OTOGL: variants seen among roughly 807,000 people sequenced by gnomAD.
OTOGL encodes otogelin-like protein.
A neutral mutation model predicts 318.5 loss-of-function variants in OTOGL; 285 were observed. The observed-to-expected ratio is 0.89, with a 90% CI of 0.81 to 0.99. The LOEUF is 0.99. Ranked by LOEUF, OTOGL falls within the 50% of genes least tolerant of loss-of-function variation. OTOGL has a pLI of 0.00. For synonymous variants in OTOGL, 987 were observed against 936.5 expected (o/e 1.05, Z -0.99); for missense variants, 2,899 against 2,845.6 (o/e 1.02, Z -0.43).
intron 1 of OTOGL, among the ~76,000 whole-genome samples, chr12:80,163,353 C>G (rs1489701587): frequency 6.6e-6 from 1 of 152,014 alleles, no homozygotes; most frequent in Admixed American, 6.6e-5. Context: ...ACAGAATCCT[C>G]TCTGTAAATA....
intron 24 of OTOGL, among the ~76,000 whole-genome samples, chr12:80,277,930 C>T (rs1299955169): frequency 1.3e-5 from 2 of 151,244 alleles, no homozygotes; most frequent in Non-Finnish European, 3.0e-5. Flanking sequence ...TAGTGAATAG[C>T]AAAAAGGTCA....
At chr12:80,290,896 A>G (rs1885000534) in intron 26 of OTOGL, among the ~76,000 whole-genome samples, 1 of 152,174 alleles carries the variant, frequency 6.6e-6, no homozygotes, top group African/African-American at 2.4e-5. Context: ...GAAAATTCTA[A>G]GGTTTTGATG....
At position 80,220,612 on chromosome 12, in the gene OTOGL, C is replaced by CTT. The variant is rs34021968; in HGVS notation, c.334+715_334+716dup. 2.1e-3 allele frequency among the ~76,000 whole-genome samples: 253 copies of CTT among 119,006 alleles called. 11 individuals carry two copies. The highest frequency in any genetic ancestry group is 8.2e-3 in the African/African-American group (241 of 29,304). 78.1% of individuals were successfully genotyped at this position (119,006 alleles called of 152,430 possible). A position where few individuals can be genotyped will look rare whatever the true frequency, so the allele number is the denominator to read the frequency against. On this transcript the variant is annotated intron_variant, in intron 6 of 58. Coordinates refer to ENST00000547103, the MANE Select transcript of OTOGL (RefSeq NM_001378609.3). Reference sequence around the variant, plus strand: ...ACTGAGACTTCTTCGAGGGCAAGGGCTTTTTTTTTTTTTTTTAAATCTTTT... The same window carrying CTT: ...ACTGAGACTTCTTCGAGGGCAAGGGCTTTTTTTTTTTTTTTTTTAAATCTTTT...
At chr12:80,243,180 G>A (rs903046393) in intron 11 of OTOGL, among the ~76,000 whole-genome samples, 2 of 152,082 alleles carry the variant, frequency 1.3e-5, no homozygotes, top group African/African-American at 4.8e-5. Context: ...AGCAGTGTGA[G>A]AGAATGACAC....
At chr12:80,175,560 G>A (rs1258872922) in intron 1 of OTOGL, among the ~76,000 whole-genome samples, 1 of 152,060 alleles carries the variant, frequency 6.6e-6, no homozygotes, top group Non-Finnish European at 1.5e-5. Flanking sequence ...TTTATACAGG[G>A]GAATGTGTGT....
chr12:80,185,759 C>T (rs1421851781), intron 1 of OTOGL, among the ~76,000 whole-genome samples: 3 of 152,154 alleles, frequency 2.0e-5, no homozygotes, highest in Non-Finnish European at 4.4e-5. Flanking sequence ...TAGTGATCTG[C>T]ATTTTACACA....
chr12:80,323,012 A>T (rs1313134524), intron 34 of OTOGL, among the ~76,000 whole-genome samples: 1 of 152,076 alleles, frequency 6.6e-6, no homozygotes, highest in Non-Finnish European at 1.5e-5. Context: ...GATAAAATAG[A>T]ATAATGGATG....
intron 17 of OTOGL, 41 bp from the exon 18 acceptor site, chr12:80,257,784 A>G (rs1157011970): frequency 6.9e-7 from 1 of 1,452,530 alleles, no homozygotes. Flanking sequence ...AACACCGTCT[A>G]TGAATGTCAA....
At chr12:80,203,904 C>T (rs1276167105) in intron 1 of OTOGL, among the ~76,000 whole-genome samples, 6 of 152,148 alleles carry the variant, frequency 3.9e-5, no homozygotes, top group African/African-American at 1.2e-4. Flanking sequence ...CTAATAGGTT[C>T]GCTAGGTAAT....
chr12:80,167,934 T>C (rs1214868016), intron 1 of OTOGL, among the ~76,000 whole-genome samples: 1 of 151,972 alleles, frequency 6.6e-6, no homozygotes, highest in Non-Finnish European at 1.5e-5. Flanking sequence ...CTTTTCTTTT[T>C]TCTTTTCTCC....
At chr12:80,204,222 G>C (rs765672673) in intron 1 of OTOGL, among the ~76,000 whole-genome samples, 3 of 152,118 alleles carry the variant, frequency 2.0e-5, no homozygotes, top group Non-Finnish European at 4.4e-5. Context: ...ATACTGATTT[G>C]TGCTGTGTTG....
At chr12:80,254,031 TA>T (rs1881807511) in intron 14 of OTOGL, among the ~76,000 whole-genome samples, 1 of 152,120 alleles carries the variant, frequency 6.6e-6, no homozygotes, top group Non-Finnish European at 1.5e-5. Flanking sequence ...AACAGAGGTC[TA>T]AATGTTGTCG....
chr12:80,262,608 G>A (rs1882636904), intron 19 of OTOGL, among the ~76,000 whole-genome samples: 1 of 152,106 alleles, frequency 6.6e-6, no homozygotes, highest in Non-Finnish European at 1.5e-5. Flanking sequence ...AGATGGTCAT[G>A]CTCCAGAGTT....
intron 1 of OTOGL, among the ~76,000 whole-genome samples, chr12:80,188,345 C>T (rs946783271): frequency 1.3e-4 from 20 of 151,950 alleles, no homozygotes; most frequent in African/African-American, 4.8e-4. Flanking sequence ...CGAGACCAGC[C>T]TGACCAACAT....
intron 26 of OTOGL, among the ~76,000 whole-genome samples, chr12:80,285,666 G>T (rs1456766119): frequency 2.0e-5 from 3 of 151,976 alleles, no homozygotes; most frequent in Admixed American, 2.0e-4. Flanking sequence ...CTCATAATTT[G>T]GTTCTCTGTT....
rs775705232 is a variant in OTOGL, at chr12:80,320,490, A to T, written c.3871A>T (p.Thr1291Ser). Residue 1291 changes from threonine (T) to serine (S), a missense_variant, in exon 34 of 59, where the codon ACT (threonine) becomes TCT (serine). Around this residue, in one of 3 missense-constraint regions of OTOGL, gnomAD observed 2,607 missense variants for 2,524.9 expected, o/e 1.03. Transcript: ENST00000547103. ...CTTTCTCTATGTCCATGACAATGAT[A>T]CTCTTAGCTTGGAGCTGTGGGAGGC... ...NYFLYVHDND[T>S]LSLELWEANS... 1 of 1,613,436 alleles carries T rather than the reference A, an allele frequency of 6.2e-7. No individual in the cohort carries two copies. The highest frequency in any genetic ancestry group is 1.3e-5 in the African/African-American group (1 of 74,884).
chr12:80,195,778 C>T (rs1876018484), intron 1 of OTOGL, among the ~76,000 whole-genome samples: 1 of 152,034 alleles, frequency 6.6e-6, no homozygotes, highest in African/African-American at 2.4e-5. Flanking sequence ...ATTTTGTGAG[C>T]CGGTTGAAAT....
chr12:80,149,442 C>T (rs529816693), intron 1 of OTOGL, among the ~76,000 whole-genome samples: 108 of 152,292 alleles, frequency 7.1e-4, no homozygotes, highest in African/African-American at 2.5e-3. Context: ...TCTCCAGTTG[C>T]GTACTGGGAG....
intron 44 of OTOGL, among the ~76,000 whole-genome samples, chr12:80,346,456 G>A (rs1300090213): frequency 6.6e-6 from 1 of 152,132 alleles, no homozygotes; most frequent in Non-Finnish European, 1.5e-5. Context: ...GAAGAAGATA[G>A]GCTAGGCAGG....
Sources: gnomAD v4.1 joint callset for allele counts (sites outside exome capture counted in the v4.1 genomes callset) on GRCh38, gnomAD v4.1.1 for gene constraint, gnomAD v4.1.1 regional missense constraint, MANE v1.5 for transcripts, NCBI Gene and HGNC (gene_info 2026-07-23, HGNC 2026-07-21) for gene names.